Variants in KCNMA1 observed in about 807,000 individuals in gnomAD.
KCNMA1 encodes Calcium-activated potassium channel subunit alpha-1.
KCNMA1 carries 29 observed loss-of-function variants against 140.0 expected under a neutral mutation model. That is an observed-to-expected ratio of 0.21 (90% CI 0.15 to 0.28). The LOEUF (loss-of-function observed/expected upper bound fraction) is 0.28. Ranked by LOEUF, KCNMA1 falls within the 10% of genes least tolerant of loss-of-function variation. The pLI, the probability that KCNMA1 is intolerant of heterozygous loss-of-function variation, is 1.00. For missense variants in KCNMA1, 880 were observed against 1,602.2 expected (o/e 0.55, Z 7.70); for synonymous variants, 612 against 611.9 (o/e 1.00, Z 0.00).
chr10:77,575,534 G>T (rs1304912315), intron 1 of KCNMA1, among the ~76,000 whole-genome samples: 2 of 152,140 alleles, frequency 1.3e-5, no homozygotes, highest in African/African-American at 2.4e-5. Flanking sequence ...CAGAACCCAG[G>T]GAGCTAAGTC....
chr10:77,217,620 G>C (rs1254586863), intron 3 of KCNMA1: 1 of 430,628 alleles, frequency 2.3e-6, no homozygotes, highest in African/African-American at 2.0e-5. Context: ...TGGAAAATGA[G>C]AAACAAAAGG....
intron 6 of KCNMA1, among the ~76,000 whole-genome samples, chr10:77,119,715 C>T (rs1903897): frequency 1 from 152,077 of 152,338 alleles, 75,909 homozygotes; most frequent in East Asian, 1. Flanking sequence ...TGCTAATAAA[C>T]AGAGGACTGA....
chr10:76,961,311 G>C lies in KCNMA1; in HGVS notation c.2361-7387C>G, dbSNP rs180704852. On this transcript the variant is annotated intron_variant, in intron 20 of 27. Coordinates refer to ENST00000286628, the MANE Select transcript of KCNMA1 (RefSeq NM_001161352.2). ...TGTGGTGGAAAAAGTAAGAGAAATA[G>C]AATTAGAAGTGGAGCCTGAACATGT... Among the ~76,000 whole-genome samples, 29 of 152,104 alleles carry C rather than the reference G, an allele frequency of 1.9e-4. 3 individuals carry two copies. The highest frequency in any genetic ancestry group is 3.4e-3 in the Middle Eastern group (1 of 294).
intron 25 of KCNMA1, among the ~76,000 whole-genome samples, chr10:76,899,851 T>A (rs1040400959): frequency 6.6e-6 from 1 of 152,146 alleles, no homozygotes; most frequent in Non-Finnish European, 1.5e-5. Flanking sequence ...TCAGATAATA[T>A]TTAATGGCAT....
chr10:77,389,729 G>A (rs563387279), intron 2 of KCNMA1, among the ~76,000 whole-genome samples: 5 of 152,134 alleles, frequency 3.3e-5, no homozygotes, highest in South Asian at 2.1e-4. Flanking sequence ...CTCCTCCCAC[G>A]GCATCCTTCC....
intron 1 of KCNMA1, among the ~76,000 whole-genome samples, chr10:77,572,671 G>A (rs112728740): frequency 0.16 from 19,934 of 127,592 alleles, 1,790 homozygotes; most frequent in African/African-American, 0.23. Context: ...CAGGATAATC[G>A]CTTGAGCTCG....
intron 1 of KCNMA1, among the ~76,000 whole-genome samples, chr10:77,576,545 G>A (rs1436435779): frequency 2.6e-5 from 4 of 152,110 alleles, no homozygotes; most frequent in Non-Finnish European, 2.9e-5. Context: ...CACTGGAGAC[G>A]TGCTTCCTAA....
chr10:77,065,267 G>A (rs2095886986), intron 14 of KCNMA1, among the ~76,000 whole-genome samples: 1 of 152,188 alleles, frequency 6.6e-6, no homozygotes, highest in South Asian at 2.1e-4. Context: ...AAAAAACAAA[G>A]CCAAGAGAGT....
chr10:77,457,986 C>T (rs1049115173), intron 1 of KCNMA1, among the ~76,000 whole-genome samples: 2 of 152,106 alleles, frequency 1.3e-5, no homozygotes, highest in African/African-American at 2.4e-5. Flanking sequence ...CCCATCAAAT[C>T]ATGCTCTTGC....
chr10:77,204,109 A>G (rs561684514), intron 3 of KCNMA1, among the ~76,000 whole-genome samples: 37 of 152,110 alleles, frequency 2.4e-4, no homozygotes, highest in Middle Eastern at 6.8e-3. Flanking sequence ...AAAAAAAAAA[A>G]AAAGAAAGAA....
chr10:77,635,912 G>C (rs1209787039), intron 1 of KCNMA1: 1 of 160,764 alleles, frequency 6.2e-6, no homozygotes, highest in Admixed American at 5.9e-5. Context: ...ATGATCAGGA[G>C]AGACAGGCTC....
intron 1 of KCNMA1, among the ~76,000 whole-genome samples, chr10:77,544,150 C>CTGTGTGTGTGTG (rs35370605): frequency 9.8e-5 from 14 of 142,458 alleles, no homozygotes; most frequent in African/African-American, 3.1e-4. Flanking sequence ...ATCTTTCCAG[C>CTGTGTGTGTGTG]TGTGTGTGTG....
intron 1 of KCNMA1, among the ~76,000 whole-genome samples, chr10:77,480,484 C>T (rs1045102106): frequency 2.0e-5 from 3 of 152,216 alleles, no homozygotes; most frequent in Admixed American, 6.5e-5. Context: ...GACAGGGACA[C>T]GTTTACTTTT....
intron 10 of KCNMA1, among the ~76,000 whole-genome samples, chr10:77,089,855 T>C (rs2096774776): frequency 6.6e-6 from 1 of 152,166 alleles, no homozygotes; most frequent in South Asian, 2.1e-4. Flanking sequence ...GTCCAGAATA[T>C]GTATTTTTAC....
chr10:76,925,498 C>T (rs1201261736), intron 23 of KCNMA1, among the ~76,000 whole-genome samples: 1 of 152,190 alleles, frequency 6.6e-6, no homozygotes, highest in East Asian at 1.9e-4. Context: ...CATCCCCCCT[C>T]ATGCTGCCAA....
At chr10:77,228,975 T>A (rs962854836) in intron 3 of KCNMA1, among the ~76,000 whole-genome samples, 2 of 152,252 alleles carry the variant, frequency 1.3e-5, no homozygotes, top group African/African-American at 4.8e-5. Flanking sequence ...TTGAAAGATG[T>A]GGCTGAAGTT....
chr10:77,108,323 T>C lies in KCNMA1; in HGVS notation c.1223+158A>G. 1 of 1,540,582 alleles carries C rather than the reference T, an allele frequency of 6.5e-7. No homozygotes were observed. Among genetic ancestry groups the C allele is most frequent in the South Asian group, 1.2e-5 (1 of 82,386 alleles). On this transcript the variant is annotated intron_variant, in intron 9 of 27. Coordinates refer to ENST00000286628, the MANE Select transcript of KCNMA1 (RefSeq NM_001161352.2). The surrounding 1 kb of genome is among the most constrained non-coding windows in gnomAD (Gnocchi z 4.6). ...TGTTTGTTAAAAGTCCCGCCGAATT[T>C]ATTCCGACTCAGGATGAGAGCAGCA...
At chr10:77,352,984 C>T (rs539213064) in intron 2 of KCNMA1, among the ~76,000 whole-genome samples, 4 of 152,244 alleles carry the variant, frequency 2.6e-5, no homozygotes, top group East Asian at 3.8e-4. Context: ...AGTCTCTTCA[C>T]GTCCATGGAA....
intron 3 of KCNMA1, among the ~76,000 whole-genome samples, chr10:77,230,884 T>C (rs2053354348): frequency 6.6e-6 from 1 of 152,104 alleles, no homozygotes; most frequent in Non-Finnish European, 1.5e-5. Context: ...GAAATTTCTG[T>C]CTTCAAGGGA....
Sources: gnomAD v4.1 joint callset for allele counts (sites outside exome capture counted in the v4.1 genomes callset) on GRCh38, gnomAD v4.1.1 for gene constraint, Gnocchi (gnomAD v3.1) non-coding constraint, MANE v1.5 for transcripts, NCBI Gene and HGNC (gene_info 2026-07-23, HGNC 2026-07-21) for gene names.